OR8B8: variants seen among roughly 807,000 people sequenced by gnomAD.
OR8B8 encodes the protein olfactory receptor family 8 subfamily B member 8.
In OR8B8, 8 loss-of-function variants were observed where a neutral mutation model predicts 10.5. That is an observed-to-expected ratio of 0.76 (90% CI 0.45 to 1.38). OR8B8 has a LOEUF of 1.38. OR8B8 is among the 40% of genes most tolerant of loss of function. The pLI, the probability that OR8B8 is intolerant of heterozygous loss-of-function variation, is 0.00. For missense variants in OR8B8, 390 were observed against 380.5 expected, an observed-to-expected ratio of 1.03 and a Z score of -0.21; for synonymous variants, 150 against 145.2, an observed-to-expected ratio of 1.03 and a Z score of -0.24.
chr11:124,443,134 A>G (rs1861493967), intron 1 of OR8B8, among the ~76,000 whole-genome samples: 1 of 43,016 alleles, frequency 2.3e-5, no homozygotes, highest in Admixed American at 2.3e-4. Context: ...GGAAAATTGA[A>G]GTCCACCAGT....
chr11:124,439,963 G>A lies in OR8B8; in HGVS notation c.*187C>T, dbSNP rs1861446370. ...ATCCTCAGAAATAGCGGGGAACTGA[G>A]TGAAATGATCCTCAAGACTTACTGT... is the stretch of plus-strand genomic sequence containing the variant. On this transcript the variant is annotated 3_prime_UTR_variant, in exon 3 of 3. Coordinates refer to ENST00000642064, the MANE Select transcript of OR8B8 (RefSeq NM_012378.2). The A allele has an allele frequency of 6.8e-6, 4 of 585,216 alleles. No individual in the cohort carries two copies. In the South Asian group the frequency reaches 9.4e-5, roughly 14 times the overall value. 36.3% of individuals were successfully genotyped at this position (585,216 alleles called of 1,614,324 possible).
chr11:124,440,299 AG>A lies in OR8B8; in HGVS notation c.786del (p.Ser264LeufsTer3), dbSNP rs1319592678. On this transcript the variant is annotated frameshift_variant, in exon 3 of 3. Coordinates refer to ENST00000642064, the MANE Select transcript of OR8B8 (RefSeq NM_012378.2). LOFTEE classifies it high-confidence loss of function. ...CCCTGGTTCATAGCTAAAAGAGAAA[AG>A]GGTTTGAGGTACATGAATGCTCCTG... ...FGSGAFMYLKPFSLLAMNQGK... is the reference protein window; with the variant it reads ...FGSGAFMYLKXFSLLAMNQGK... 19 of 1,614,094 alleles carry A rather than the reference AG, an allele frequency of 1.2e-5. No homozygotes were observed. Among genetic ancestry groups the A allele is most frequent in the Non-Finnish European group, 1.5e-5 (18 of 1,180,048 alleles).
At position 124,440,943 on chromosome 11, in the gene OR8B8, AGG is replaced by A; in HGVS notation, c.141_142del (p.Leu48AspfsTer17). 1 of 1,614,120 alleles carries A rather than the reference AGG, an allele frequency of 6.2e-7. No homozygotes were observed. Among genetic ancestry groups the A allele is most frequent in the Non-Finnish European group, 8.5e-7 (1 of 1,180,022 alleles). On this transcript the variant is annotated frameshift_variant, in exon 3 of 3. Coordinates refer to ENST00000642064, the MANE Select transcript of OR8B8 (RefSeq NM_012378.2). LOFTEE classifies it high-confidence loss of function. ...GTGCAAGTGAGAGTTGAGCCTTATC[AGG>A]GTTATCAAGCCCAGGTTCCCCACCA...
chr11:124,440,295 G>C lies in OR8B8; in HGVS notation c.791C>G (p.Ser264Cys). 6 of 1,614,182 alleles carry C rather than the reference G, an allele frequency of 3.7e-6. No homozygotes were observed. The highest frequency in any genetic ancestry group is 5.1e-6 in the Non-Finnish European group (6 of 1,180,032). The change falls in exon 3 of 3, where the codon TCT becomes TGT. Residue 264 changes from serine to cysteine, a missense_variant. Coordinates refer to ENST00000642064, the MANE Select transcript of OR8B8 (RefSeq NM_012378.2). Reference sequence around the variant, plus strand: ...CTTGCCCTGGTTCATAGCTAAAAGAGAAAAGGGTTTGAGGTACATGAATGC... The same window carrying C: ...CTTGCCCTGGTTCATAGCTAAAAGACAAAAGGGTTTGAGGTACATGAATGC... ...SGAFMYLKPF[S>C]LLAMNQGKVS...
intron 1 of OR8B8, among the ~76,000 whole-genome samples, chr11:124,443,607 A>G (rs1861498255): frequency 2.6e-5 from 4 of 152,252 alleles, no homozygotes; most frequent in African/African-American, 9.6e-5. Context: ...GACAAGTCAC[A>G]TAACGCTGGC....
intron 1 of OR8B8, among the ~76,000 whole-genome samples, chr11:124,443,306 G>A (rs12269827): frequency 0.49 from 74,818 of 151,950 alleles, 18,923 homozygotes; most frequent in African/African-American, 0.6. Context: ...CCAGGTTCCT[G>A]CTGTGGAGAG....
intron 1 of OR8B8, among the ~76,000 whole-genome samples, chr11:124,443,573 G>C (rs576932429): frequency 6.6e-6 from 1 of 152,172 alleles, no homozygotes; most frequent in Non-Finnish European, 1.5e-5. Flanking sequence ...GGAGCAAAAG[G>C]CCTTTCTAAG....
In OR8B8 at chr11:124,440,409, AAGATGCTGG is replaced by A. The variant is rs762974417; in HGVS notation, c.668_676del (p.Ser223_Ile225del). 1 of 1,614,202 alleles carries A rather than the reference AAGATGCTGG, an allele frequency of 6.2e-7. No individual in the cohort carries two copies. The highest frequency in any genetic ancestry group is 1.7e-5 in the Admixed American group (1 of 60,020). ...CCTGCCCTCCGTGGAATCAATGTGG[AAGATGCTGG>A]AGAGAATGAGAGCATAGGAAATGAA... On this transcript the variant is annotated inframe_deletion, in exon 3 of 3. Transcript: ENST00000642064.
intron 1 of OR8B8, among the ~76,000 whole-genome samples, chr11:124,444,624 C>T (rs182282617): frequency 6.6e-6 from 1 of 152,286 alleles, no homozygotes; most frequent in Admixed American, 6.5e-5. Context: ...AATTCTCAAT[C>T]TCCTCATCTA....
chr11:124,440,668 C>A lies in OR8B8; in HGVS notation c.418G>T (p.Val140Leu). The change falls in exon 3 of 3, where the codon GTG (valine) becomes TTG (leucine). Residue 140 changes from valine (V) to leucine (L), a missense_variant. Coordinates refer to ENST00000642064, the MANE Select transcript of OR8B8 (RefSeq NM_012378.2). ...ACACCCAACAAAAGGAGAAAACACA[C>A]CTGGGGAGACATGGTGACCATGTAC... The part of the protein sequence containing the change: ...LLYMVTMSPQ[V>L]CFLLLLGVYG... The A allele has an allele frequency of 6.2e-7, 1 of 1,614,138 alleles. No individual in the cohort carries two copies. The highest frequency in any genetic ancestry group is 8.5e-7 in the Non-Finnish European group (1 of 1,180,024).
rs1390884592 is a variant in OR8B8, at chr11:124,440,760, A to T, written c.326T>A (p.Val109Asp). The T allele has an allele frequency of 6.2e-7, 1 of 1,614,184 alleles. No homozygotes were observed. Among genetic ancestry groups the T allele is most frequent in the Non-Finnish European group, 8.5e-7 (1 of 1,180,030 alleles). The change falls in exon 3 of 3, where the codon GTC becomes GAC. Residue 109 changes from valine (V) to aspartate (D), a missense_variant. Transcript: ENST00000642064. ...TGCTGACAGGATGAAGGACTCAGAG[A>T]CAACAAAGAAAAGAAAGAAGAAGAG... is the stretch of plus-strand genomic sequence containing the variant. ...TQLFFFLFFV[V>D]SESFILSAMA...
At chr11:124,442,644 A>G (rs1196749831) in intron 1 of OR8B8, among the ~76,000 whole-genome samples, 2 of 146,472 alleles carry the variant, frequency 1.4e-5, no homozygotes, top group Non-Finnish European at 3.0e-5. Flanking sequence ...TTCCAGTGTT[A>G]TTTTCAGCTT....
rs777477873 is a variant in OR8B8, at chr11:124,440,489, C to T, written c.597G>A (p.Val199=). 1 of 1,614,216 alleles carries T rather than the reference C, an allele frequency of 6.2e-7. No homozygotes were observed. The highest frequency in any genetic ancestry group is 1.1e-5 in the South Asian group (1 of 91,082). ...CTSTYVNELV[V]FVVVGIDIGV... ...CAATATCAATGCCCACAACAACAAA[C>T]ACTACAAGCTCATTCACATAGGTGC... is the stretch of plus-strand genomic sequence containing the variant. The change falls in exon 3 of 3, where the codon GTG becomes GTA. Residue 199 remains valine (V), a synonymous_variant. Transcript: ENST00000642064.
chr11:124,440,996 C>A lies in OR8B8; in HGVS notation c.90G>T (p.Leu30=), dbSNP rs562962287. The part of the protein sequence containing the change: ...QPGVQIPLFF[L]FLGFYVVTVV... ...CAGTGACCACGTAGAAGCCTAGAAA[C>A]AGGAAGAAGAGGGGGATCTGGACTC... is the stretch of plus-strand genomic sequence containing the variant. The change falls in exon 3 of 3, where the codon CTG becomes CTT. Residue 30 remains leucine (L), a synonymous_variant. Transcript: ENST00000642064. The A allele has an allele frequency of 5.0e-6, 8 of 1,613,934 alleles. No individual in the cohort carries two copies. In the African/African-American group the frequency reaches 1.1e-4, roughly 22 times the overall value.
chr11:124,443,251 A>C (rs1861494828), intron 1 of OR8B8, among the ~76,000 whole-genome samples: 2 of 152,212 alleles, frequency 1.3e-5, no homozygotes, highest in Non-Finnish European at 2.9e-5. Flanking sequence ...TGGAATGTAG[A>C]GTACAGGGAG....
At position 124,440,937 on chromosome 11, in the gene OR8B8, C is replaced by T. The variant is rs1328196834; in HGVS notation, c.149G>A (p.Arg50Lys). Residue 50 changes from arginine to lysine, a missense_variant, in exon 3 of 3, where the codon AGG becomes AAG. Transcript: ENST00000642064. ...VGNLGLITLIRLNSHLHTPMY... is the reference protein window; with the variant it reads ...VGNLGLITLIKLNSHLHTPMY... ...AGGGGTGTGCAAGTGAGAGTTGAGC[C>T]TTATCAGGGTTATCAAGCCCAGGTT... is the stretch of plus-strand genomic sequence containing the variant. The T allele has an allele frequency of 6.2e-7, 1 of 1,613,966 alleles. No homozygotes were observed. The highest frequency in any genetic ancestry group is 2.2e-5 in the East Asian group (1 of 44,856).
chr11:124,443,422 A>G (rs1482660034), intron 1 of OR8B8, among the ~76,000 whole-genome samples: 1 of 152,148 alleles, frequency 6.6e-6, no homozygotes. Flanking sequence ...CAATTAGTCT[A>G]TTGGGCTACT....
intron 1 of OR8B8, among the ~76,000 whole-genome samples, chr11:124,444,777 T>C (rs1168011626): frequency 6.6e-6 from 1 of 152,014 alleles, no homozygotes; most frequent in Non-Finnish European, 1.5e-5. Flanking sequence ...AAAACAAATA[T>C]GAAATGCATA....
Position 124,440,319 on chromosome 11 carries a change from G to T in OR8B8, c.767C>A (p.Ala256Glu). 1 of 1,614,218 alleles carries T rather than the reference G, an allele frequency of 6.2e-7. No homozygotes were observed. The highest frequency in any genetic ancestry group is 1.6e-4 in the Middle Eastern group (1 of 6,062). Residue 256 changes from alanine to glutamate, a missense_variant, in exon 3 of 3, where the codon GCA (alanine) becomes GAA (glutamate). Ala to Glu is a moderately radical substitution (Grantham distance 107). Coordinates refer to ENST00000642064, the MANE Select transcript of OR8B8 (RefSeq NM_012378.2). Reference sequence around the variant, plus strand: ...AGAAAAGGGTTTGAGGTACATGAATGCTCCTGACCCAAAGAACAGAGAAAC... The same window carrying T: ...AGAAAAGGGTTTGAGGTACATGAATTCTCCTGACCCAAAGAACAGAGAAAC... ...IAVSLFFGSG[A>E]FMYLKPFSLL... is the part of the protein sequence containing the mutation.
Sources: gnomAD v4.1 joint callset for allele counts (sites outside exome capture counted in the v4.1 genomes callset) on GRCh38, gnomAD v4.1.1 for gene constraint, MANE v1.5 for transcripts, NCBI Gene and HGNC (gene_info 2026-07-23, HGNC 2026-07-21) for gene names.